DMD: variants seen among roughly 807,000 people sequenced by gnomAD.
The protein encoded by DMD is dystrophin.
In DMD, 63 loss-of-function variants were observed where a neutral mutation model predicts 330.1. The observed-to-expected ratio is 0.19, with a 90% confidence interval of 0.16 to 0.24. DMD has a LOEUF of 0.24. Ranked by LOEUF, DMD falls within the 10% of genes least tolerant of loss-of-function variation. DMD has a pLI of 1.00. For missense variants in DMD, 3,344 were observed against 2,684.1 expected (o/e 1.25, Z -5.43); for synonymous variants, 1,223 against 959.8 (o/e 1.27, Z -5.07).
At chrX:32,926,838 A>C in intron 2 of DMD, among the ~76,000 whole-genome samples, 1 of 107,675 alleles carries the variant, frequency 9.3e-6, no homozygotes, top group Admixed American at 9.9e-5. Context: ...TGAGCCATTC[A>C]TATATATATA....
intron 1 of DMD, among the ~76,000 whole-genome samples, chrX:33,338,460 A>AAAATAAATAAATAAT (rs2054287580): frequency 9.8e-6 from 1 of 102,233 alleles, no homozygotes; most frequent in Admixed American, 1.1e-4. Context: ...ATTAAAGGGC[A>AAAATAAATAAATAAT]AAATAAATAA....
At chrX:32,927,065 T>C (rs756664063) in intron 2 of DMD, among the ~76,000 whole-genome samples, 2 of 111,442 alleles carry the variant, frequency 1.8e-5, no homozygotes, top group African/African-American at 6.5e-5. Context: ...ACTAAATAAA[T>C]AAATTTATTG....
intron 37 of DMD, among the ~76,000 whole-genome samples, chrX:32,355,296 G>C (rs1337287539): frequency 9.0e-6 from 1 of 111,102 alleles, no homozygotes; most frequent in Non-Finnish European, 1.9e-5. Flanking sequence ...AATGGACTGA[G>C]ATCTAGTATT....
At chrX:33,261,627 A>AACACACAC (rs56984530) in intron 1 of DMD, among the ~76,000 whole-genome samples, 279 of 89,093 alleles carry the variant, frequency 3.1e-3, no homozygotes, top group South Asian at 6.5e-3. Context: ...ATACGGGAAG[A>AACACACAC]ACACACACAC....
At chrX:31,334,070 T>C (rs1449636781) in intron 61 of DMD, among the ~76,000 whole-genome samples, 1 of 111,624 alleles carries the variant, frequency 9.0e-6, no homozygotes, top group Non-Finnish European at 1.9e-5. Flanking sequence ...GTAGCTGGGA[T>C]TACAGGTGCC....
At position 31,187,716 on chromosome X, in the gene DMD, T is replaced by TGAGA. The variant is rs2041904329; in HGVS notation, c.9808-4813_9808-4812insTCTC. ...TCAGCTCTGGAATCTTCCCAGATTC[T>TGAGA]CAGAGAGAGAGAGAGAGAGAGAGAG... On this transcript the variant is annotated intron_variant, in intron 67 of 78. Transcript: ENST00000357033. Among the ~76,000 whole-genome samples, 8 of 76,621 alleles carry TGAGA rather than the reference T, an allele frequency of 1.0e-4. No homozygotes were observed. The Admixed American group carries it at 1.2e-3, about 12-fold the overall frequency. The allele number at this position is 76,621 out of a possible 115,157, so 66.5% of individuals were successfully genotyped here.
At chrX:32,072,221 A>C (rs1178555105) in intron 44 of DMD, among the ~76,000 whole-genome samples, 2 of 111,073 alleles carry the variant, frequency 1.8e-5, no homozygotes, top group Non-Finnish European at 3.8e-5. Flanking sequence ...TAATATTAAA[A>C]ACCCTTTGCT....
At chrX:32,125,026 T>G (rs1603626431) in intron 44 of DMD, among the ~76,000 whole-genome samples, 2 of 108,068 alleles carry the variant, frequency 1.9e-5, no homozygotes, top group South Asian at 8.0e-4. Flanking sequence ...ATGAGAGGGA[T>G]AGTAAAAAAT....
chrX:32,645,158 CAATAA>C lies in DMD; in HGVS notation c.961-11_961-7del. The C allele has an allele frequency of 8.3e-7, 1 of 1,209,812 alleles. No individual in the cohort carries two copies. Among genetic ancestry groups the C allele is most frequent in the Non-Finnish European group, 1.1e-6 (1 of 894,270 alleles). Reference sequence around the variant, plus strand: ...TCTTCAGGAGCTTCCAAATGCTGCACAATAAAATAAATTGGGTGTTACACAATTAA... The same window carrying C: ...TCTTCAGGAGCTTCCAAATGCTGCACAATAAATTGGGTGTTACACAATTAA... On this transcript the variant is annotated splice_region_variant and splice_polypyrimidine_tract_variant and intron_variant, in intron 9 of 78. Coordinates refer to ENST00000357033, the MANE Select transcript of DMD (RefSeq NM_004006.3).
At chrX:31,685,103 G>A (rs953280929) in intron 52 of DMD, among the ~76,000 whole-genome samples, 1 of 111,594 alleles carries the variant, frequency 9.0e-6, no homozygotes, top group African/African-American at 3.3e-5. Context: ...CCTTGGAGGA[G>A]TTCCTACATA....
At chrX:31,632,816 C>A (rs62587326) in intron 54 of DMD, among the ~76,000 whole-genome samples, 15,149 of 111,255 alleles carry the variant, frequency 0.14, 954 homozygotes, top group Admixed American at 0.22. Context: ...TAAAACATAA[C>A]TTTATATTGT....
At chrX:32,604,823 T>C (rs376811259) in intron 12 of DMD, among the ~76,000 whole-genome samples, 1,346 of 93,084 alleles carry the variant, frequency 0.014, 25 homozygotes, top group African/African-American at 0.05. Context: ...AAAAAAAAAA[T>C]ACCTAGGAAT....
intron 44 of DMD, among the ~76,000 whole-genome samples, chrX:32,190,325 TCAC>T (rs1348498034): frequency 9.2e-6 from 1 of 108,948 alleles, no homozygotes; most frequent in Non-Finnish European, 1.9e-5. Context: ...TTCACTGCTT[TCAC>T]CACTAGACTG....
At chrX:33,278,938 T>C (rs978416653) in intron 1 of DMD, among the ~76,000 whole-genome samples, 1 of 111,521 alleles carries the variant, frequency 9.0e-6, no homozygotes, top group Non-Finnish European at 1.9e-5. Context: ...TTTCAAGACC[T>C]ACGAAAACAC....
intron 25 of DMD, among the ~76,000 whole-genome samples, chrX:32,456,756 G>A (rs940814214): frequency 2.8e-5 from 3 of 108,709 alleles, no homozygotes; most frequent in African/African-American, 6.7e-5. Flanking sequence ...AGAAAATCTC[G>A]TGGGATTTGG....
At chrX:32,432,439 T>A (rs752886466) in intron 29 of DMD, among the ~76,000 whole-genome samples, 18 of 111,967 alleles carry the variant, frequency 1.6e-4, no homozygotes, top group Admixed American at 1.5e-3. Flanking sequence ...GGTTTACTTA[T>A]ACTTCTTTGA....
chrX:33,040,863 T>C (rs1026002220), intron 1 of DMD, among the ~76,000 whole-genome samples: 1 of 111,983 alleles, frequency 8.9e-6, no homozygotes, highest in East Asian at 2.8e-4. Flanking sequence ...GCCATCAACA[T>C]AACCAGACTA....
chrX:32,185,949 G>A (rs1236854833), intron 44 of DMD, among the ~76,000 whole-genome samples: 1 of 110,124 alleles, frequency 9.1e-6, no homozygotes, highest in Admixed American at 9.7e-5. Flanking sequence ...TCTGCCTCTC[G>A]GAGATCTTAA....
chrX:32,763,806 G>A (rs2855692), intron 7 of DMD, among the ~76,000 whole-genome samples: 46,815 of 109,735 alleles, frequency 0.43, 8,397 homozygotes, highest in African/African-American at 0.67. Flanking sequence ...AAAAGCAATC[G>A]TGCTCTCCAA....
Sources: gnomAD v4.1 joint callset for allele counts (sites outside exome capture counted in the v4.1 genomes callset) on GRCh38, gnomAD v4.1.1 for gene constraint, MANE v1.5 for transcripts, NCBI Gene and HGNC (gene_info 2026-07-23, HGNC 2026-07-21) for gene names.